FGF20: variants seen among roughly 807,000 people sequenced by gnomAD.
The protein encoded by FGF20 is fibroblast growth factor 20.
A neutral mutation model predicts 16.7 loss-of-function variants in FGF20; 8 were observed. The ratio of observed to expected loss-of-function variants is 0.48; its 90% confidence interval spans 0.28 to 0.87. The LOEUF (loss-of-function observed/expected upper bound fraction) is 0.87, where lower values mean the gene tolerates loss of function less well. Among genes scored for constraint, FGF20 ranks in the 40% least tolerant of loss-of-function variants. The pLI, the probability that FGF20 is intolerant of heterozygous loss-of-function variation, is 0.10. For synonymous variants in FGF20, 161 were observed against 118.6 expected, an observed-to-expected ratio of 1.36 and a Z score of -2.32; for missense variants, 397 against 281.4, an observed-to-expected ratio of 1.41 and a Z score of -2.94.
intron 1 of FGF20, among the ~76,000 whole-genome samples, chr8:16,998,918 C>G (rs969483652): frequency 6.6e-6 from 1 of 151,810 alleles, no homozygotes; most frequent in Non-Finnish European, 1.5e-5. Context: ...TTTAACATCT[C>G]AAATAGCCAT....
At chr8:16,999,631 T>C (rs927995419) in intron 1 of FGF20, among the ~76,000 whole-genome samples, 22 of 148,862 alleles carry the variant, frequency 1.5e-4, no homozygotes, top group Admixed American at 5.4e-4. Context: ...CAAGCAATTC[T>C]CTGCCTCAGC....
chr8:17,001,623 A>G (rs941546936), intron 1 of FGF20, 124 bp downstream of exon 1: 2 of 1,161,708 alleles, frequency 1.7e-6, no homozygotes, highest in African/African-American at 1.6e-5. Flanking sequence ...GGATGGGTCC[A>G]GGGGAGCTCC....
rs767969554 is a variant in FGF20, at chr8:16,993,066, C to G, written c.*6G>C. On this transcript the variant is annotated 3_prime_UTR_variant, in exon 3 of 3. Transcript: ENST00000180166. ...TTTGACTCTTCCATAATGTCACTAT[C>G]GCACTTCAAGTGTACATCAGTAGGT... The G allele has an allele frequency of 1.2e-6, 2 of 1,612,654 alleles. No homozygotes were observed. Among genetic ancestry groups the G allele is most frequent in the South Asian group, 2.2e-5 (2 of 90,784 alleles).
intron 1 of FGF20, among the ~76,000 whole-genome samples, chr8:16,998,312 T>G (rs949692219): frequency 5.9e-5 from 9 of 152,204 alleles, no homozygotes; most frequent in Non-Finnish European, 1.3e-4. Flanking sequence ...AATTTTGCAA[T>G]GGCTCATGGG....
chr8:17,002,167 C>T lies in FGF20; in HGVS notation c.-135G>A. 1.1e-6 allele frequency: 1 copy of T among 871,580 alleles called. No individual in the cohort carries two copies. The highest frequency in any genetic ancestry group is 1.6e-6 in the Non-Finnish European group (1 of 628,694). The allele number at this position is 871,580 out of a possible 1,614,324, so 54.0% of individuals were successfully genotyped here. A position where few individuals can be genotyped will look rare whatever the true frequency, so the allele number is the denominator to read the frequency against. The stretch of plus-strand genomic sequence containing the variant: ...CCCGGTTACTCCTCTGAGGTCGCTC[C>T]GGAGGGACTTTGCACTGAAATGGCA... On this transcript the variant is annotated 5_prime_UTR_variant, in exon 1 of 3. Transcript: ENST00000180166.
Position 16,993,290 on chromosome 8 carries a change from T to G in FGF20, c.418A>C (p.Arg140=), listed in dbSNP as rs763495311. 10 of 1,611,732 alleles carry G rather than the reference T, an allele frequency of 6.2e-6. No homozygotes were observed. In the Admixed American group the frequency reaches 1.7e-4, roughly 27 times the overall value. ...TACCAGTTCTCTTCAAACTGCTCCC[T>G]AAAGATGCATTCGGAAGTAAGTTTC... is the stretch of plus-strand genomic sequence containing the variant. ...SEKLTSECIF[R]EQFEENWYNT... is the part of the protein sequence containing the mutation. Residue 140 remains arginine, a synonymous_variant, in exon 3 of 3, where the codon AGG becomes CGG. Transcript: ENST00000180166.
chr8:16,999,690 T>C lies in FGF20; in HGVS notation c.286+2057A>G, dbSNP rs549909825. On this transcript the variant is annotated intron_variant, in intron 1 of 2. Coordinates refer to ENST00000180166, the MANE Select transcript of FGF20 (RefSeq NM_019851.3). The stretch of plus-strand genomic sequence containing the variant: ...GTGCCCACCAACACGCCCAGCTAAT[T>C]TTTTTTTTTTTTTTGTATTTTTTGT... 8.3e-3 allele frequency among the ~76,000 whole-genome samples: 908 copies of C among 109,024 alleles called. 14 individuals carry two copies. Among genetic ancestry groups the C allele is most frequent in the African/African-American group, 0.026 (864 of 33,522 alleles). 71.5% of individuals were successfully genotyped at this position (109,024 alleles called of 152,430 possible).
chr8:16,993,408 C>T (rs1809964348), intron 2 of FGF20, 91 bp from the exon 3 acceptor site: 3 of 1,286,286 alleles, frequency 2.3e-6, no homozygotes, highest in South Asian at 3.0e-5. Flanking sequence ...CATTTCTTTG[C>T]CTTGTCAAAG....
chr8:17,001,195 C>A (rs933431602), intron 1 of FGF20, among the ~76,000 whole-genome samples: 4 of 152,136 alleles, frequency 2.6e-5, no homozygotes, highest in African/African-American at 9.7e-5. Context: ...TCTAGGTAGA[C>A]ACGTAAATGC....
chr8:16,997,399 T>A (rs770731268), intron 1 of FGF20, among the ~76,000 whole-genome samples: 6 of 152,230 alleles, frequency 3.9e-5, no homozygotes, highest in Non-Finnish European at 4.4e-5. Flanking sequence ...TTAAGTCATT[T>A]CTTGATTTAT....
rs556101219 is a variant in FGF20, at chr8:16,993,589, G to C, written c.391-272C>G. On this transcript the variant is annotated intron_variant, in intron 2 of 2. Transcript: ENST00000180166. Reference sequence around the variant, plus strand: ...ACAATTTTTCCACGGACCAGGATGGGGACACGGGATGGTTTCAGGGTGATC... The same window carrying C: ...ACAATTTTTCCACGGACCAGGATGGCGACACGGGATGGTTTCAGGGTGATC... 5.9e-5 allele frequency among the ~76,000 whole-genome samples: 9 copies of C among 152,230 alleles called. No individual in the cohort carries two copies. The East Asian group carries it at 1.7e-3, about 29-fold the overall frequency.
rs977018413 is a variant in FGF20, at chr8:16,992,418, A to C, written c.*654T>G. 1.3e-5 allele frequency: 2 copies of C among 151,986 alleles called. No individual in the cohort carries two copies. Among genetic ancestry groups the C allele is most frequent in the African/African-American group, 4.8e-5 (2 of 41,434 alleles). 9.4% of individuals were successfully genotyped at this position (151,986 alleles called of 1,614,324 possible). On this transcript the variant is annotated 3_prime_UTR_variant, in exon 3 of 3. Coordinates refer to ENST00000180166, the MANE Select transcript of FGF20 (RefSeq NM_019851.3). ...AATAAAGTAATGGCACAATAACGGA[A>C]GTTTTGTTGTTTTTTACTCTTTGTA...
rs776625873 is a variant in FGF20, at chr8:17,001,860, G to T, written c.173C>A (p.Ala58Glu). Residue 58 changes from alanine (A) to glutamate (E), a missense_variant, in exon 1 of 3, where the codon GCG becomes GAG. Physicochemically the swap from Ala to Glu is moderately radical, Grantham distance 107. Coordinates refer to ENST00000180166, the MANE Select transcript of FGF20 (RefSeq NM_019851.3). ...ARGGPGAAQL[A>E]HLHGILRRRQ... is the part of the protein sequence containing the mutation. ...GCGGCGCAGGATGCCGTGCAGGTGC[G>T]CCAGCTGCGCAGCCCCCGGCCCGCC... is the stretch of plus-strand genomic sequence containing the variant. The T allele has an allele frequency of 1.3e-6, 2 of 1,484,474 alleles. No individual in the cohort carries two copies. Among genetic ancestry groups the T allele is most frequent in the South Asian group, 1.3e-5 (1 of 76,928 alleles). 92.0% of individuals were successfully genotyped at this position (1,484,474 alleles called of 1,614,324 possible). A position where few individuals can be genotyped will look rare whatever the true frequency, so the allele number is the denominator to read the frequency against.
chr8:16,994,985 C>G (rs953679568), intron 2 of FGF20, among the ~76,000 whole-genome samples: 4 of 150,808 alleles, frequency 2.7e-5, no homozygotes, highest in Non-Finnish European at 4.4e-5. Flanking sequence ...GTTCTAAAAA[C>G]AAAAAAAAAC....
chr8:16,994,830 T>C (rs796643413), intron 2 of FGF20, among the ~76,000 whole-genome samples: 1 of 152,310 alleles, frequency 6.6e-6, no homozygotes, highest in African/African-American at 2.4e-5. Flanking sequence ...TACATTTTTA[T>C]CTTACCAATT....
chr8:16,993,362 G>A (rs774911231), intron 2 of FGF20, 45 bp from the exon 3 acceptor site: 3 of 1,519,980 alleles, frequency 2.0e-6, no homozygotes, highest in Non-Finnish European at 1.8e-6. Context: ...AAATACCTTT[G>A]AGATAATTTC....
intron 1 of FGF20, among the ~76,000 whole-genome samples, chr8:17,000,891 T>C (rs1057022821): frequency 1.3e-5 from 2 of 152,100 alleles, no homozygotes; most frequent in African/African-American, 2.4e-5. Context: ...CACGTCCGTC[T>C]GTGTTCCCAC....
rs1809955393 is a variant in FGF20, at chr8:16,993,157, T to C, written c.551A>G (p.His184Arg). 1 of 1,614,140 alleles carries C rather than the reference T, an allele frequency of 6.2e-7. No homozygotes were observed. The highest frequency in any genetic ancestry group is 8.5e-7 in the Non-Finnish European group (1 of 1,180,016). Reference protein sequence around the residue: ...TPRDGARSKRHQKFTHFLPRP... With the variant: ...TPRDGARSKRRQKFTHFLPRP... ...AGGTAAGAAATGTGTAAATTTCTGA[T>C]GCCTCTTGGACCTGGCGCCATCTCT... The change falls in exon 3 of 3, where the codon CAT becomes CGT. Residue 184 changes from histidine (H) to arginine (R), a missense_variant. Transcript: ENST00000180166.
Position 17,001,608 on chromosome 8 carries a change from G to C in FGF20, c.286+139C>G, listed in dbSNP as rs1175647865. 3.1e-6 allele frequency: 3 copies of C among 966,886 alleles called. No individual in the cohort carries two copies. The African/African-American group carries it at 5.1e-5, about 17-fold the overall frequency. The allele number at this position is 966,886 out of a possible 1,614,324, so 59.9% of individuals were successfully genotyped here. A position where few individuals can be genotyped will look rare whatever the true frequency, so the allele number is the denominator to read the frequency against. On this transcript the variant is annotated intron_variant, in intron 1 of 2. Transcript: ENST00000180166. ...GCCCTTCAGCCCCAGCCTGCGTCTT[G>C]CACCGGATGGGTCCAGGGGAGCTCC...
Sources: allele counts gnomAD v4.1 joint callset (sites outside exome capture counted in the v4.1 genomes callset), GRCh38; gene constraint gnomAD v4.1.1; transcripts MANE v1.5; gene names NCBI Gene and HGNC (gene_info 2026-07-23, HGNC 2026-07-21).